The following GPR162 variants were observed in gnomAD, a reference collection of about 807,000 sequenced individuals.
GPR162 encodes the protein probable G protein-coupled receptor 162.
GPR162 carries 26 observed loss-of-function variants against 44.9 expected under a neutral mutation model. The observed-to-expected ratio is 0.58, with a 90% confidence interval of 0.42 to 0.80. The LOEUF (loss-of-function observed/expected upper bound fraction) is 0.80, where lower values mean the gene tolerates loss of function less well. Among genes scored for constraint, GPR162 ranks in the 30% least tolerant of loss-of-function variants. GPR162 has a pLI of 0.00. For missense variants in GPR162, 704 were observed against 802.3 expected (o/e 0.88, Z 1.48); for synonymous variants, 363 against 335.2 (o/e 1.08, Z -0.91).
In GPR162 at chr12:6,826,238, T is replaced by C. The variant is rs1555120032; in HGVS notation, c.1100T>C (p.Val367Ala). The change falls in exon 4 of 5, where the codon GTT (valine) becomes GCT (alanine). Residue 367 changes from valine (V) to alanine (A), a missense_variant. This residue lies in a region of GPR162 where 404 missense variants were observed against 314.1 expected (regional missense o/e 1.29). Coordinates refer to ENST00000311268, the MANE Select transcript of GPR162 (RefSeq NM_019858.2). The part of the protein sequence containing the change: ...DDYAEGRVCK[V>A]RFDANGATGP... Reference sequence around the variant, plus strand: ...TATGCAGAGGGCCGAGTTTGCAAAGTTCGCTTTGATGCTAACGGAGCCACA... The same window carrying C: ...TATGCAGAGGGCCGAGTTTGCAAAGCTCGCTTTGATGCTAACGGAGCCACA... 2.5e-6 allele frequency: 4 copies of C among 1,614,016 alleles called. No homozygotes were observed. The South Asian group carries it at 4.4e-5, about 18-fold the overall frequency.
At position 6,825,515 on chromosome 12, in the gene GPR162, C is replaced by CCCCAA; in HGVS notation, c.899_900insCCCAA (p.Ala301ProfsTer87). The CCCCAA allele has an allele frequency of 6.2e-7, 1 of 1,611,148 alleles. No individual in the cohort carries two copies. The highest frequency in any genetic ancestry group is 8.5e-7 in the Non-Finnish European group (1 of 1,179,094). On this transcript the variant is annotated frameshift_variant, in exon 3 of 5. Transcript: ENST00000311268. LOFTEE classifies it high-confidence loss of function. ...AGCTTCTTCTCCCTCAAGTCGGACT[C>CCCCAA]GGCGCCCCCCTGGATGGTGCTGGCT...
Position 6,824,429 on chromosome 12 carries a change from C to T in GPR162, c.531C>T (p.Leu177=), listed in dbSNP as rs782380177. The part of the protein sequence containing the change: ...GCQFIVSKIG[L]GFGVCFSLLL... ...AGTTCATAGTCTCCAAGATCGGCCT[C>T]GGCTTTGGCGTTTGCTTCAGCCTCT... Residue 177 remains leucine (L), a synonymous_variant, in exon 2 of 5, where the codon CTC becomes CTT. Coordinates refer to ENST00000311268, the MANE Select transcript of GPR162 (RefSeq NM_019858.2). The T allele has an allele frequency of 1.3e-5, 21 of 1,614,202 alleles. 1 individual carries two copies. The highest frequency in any genetic ancestry group is 5.5e-5 in the South Asian group (5 of 91,086).
At position 6,824,560 on chromosome 12, in the gene GPR162, G is replaced by C. The variant is rs782535794; in HGVS notation, c.662G>C (p.Gly221Ala). 139 of 1,605,134 alleles carry C rather than the reference G, an allele frequency of 8.7e-5. No homozygotes were observed. The highest frequency in any genetic ancestry group is 1.1e-4 in the Non-Finnish European group (126 of 1,174,960). Residue 221 changes from glycine to alanine, a missense_variant, in exon 2 of 5, where the codon GGT (glycine) becomes GCT (alanine). Physicochemically the swap from Gly to Ala is moderately conservative, Grantham distance 60. This residue lies in a region of GPR162 where 56 missense variants were observed against 47.2 expected (regional missense o/e 1.19). Transcript: ENST00000311268. ...GCTCGGCAGGCCCGGAGAGTGGGGG[G>C]TGGTGGGGGGACCAAAGCGGGTGGG... is the stretch of plus-strand genomic sequence containing the variant. ...RRARQARRVG[G>A]GGGTKAGGPG...
chr12:6,825,856 T>C (rs1429210389), intron 3 of GPR162, among the ~76,000 whole-genome samples, 183 bp downstream of exon 3: 1 of 152,126 alleles, frequency 6.6e-6, no homozygotes, highest in East Asian at 1.9e-4. Context: ...CCCGCAGCAC[T>C]CAGGGCTCCC....
intron 2 of GPR162, chr12:6,825,185 A>G (rs1388810560): frequency 3.7e-6 from 2 of 541,336 alleles, no homozygotes; most frequent in Non-Finnish European, 6.7e-6. Flanking sequence ...CACAGGGCTC[A>G]CCCCACCACC....
At chr12:6,826,396 A>G (rs782235433) in intron 4 of GPR162, 43 bp downstream of exon 4, 20 of 1,555,842 alleles carry the variant, frequency 1.3e-5, no homozygotes, top group Admixed American at 1.8e-5. Context: ...GGTGCCGCTC[A>G]TCACTTTTCT....
intron 3 of GPR162, 84 bp from the exon 4 acceptor site, chr12:6,826,112 T>C: frequency 9.7e-7 from 1 of 1,025,656 alleles, no homozygotes; most frequent in Non-Finnish European, 1.5e-6. Flanking sequence ...ACTAAAGGGG[T>C]CTCTGGGAGC....
chr12:6,826,927 G>A lies in GPR162; in HGVS notation c.1490G>A (p.Gly497Asp), dbSNP rs782583140. The A allele has an allele frequency of 6.2e-7, 1 of 1,613,440 alleles. No homozygotes were observed. The highest frequency in any genetic ancestry group is 1.7e-5 in the Admixed American group (1 of 60,030). Residue 497 changes from glycine to aspartate, a missense_variant, in exon 5 of 5, where the codon GGT (glycine) becomes GAT (aspartate). This residue lies in a region of GPR162 where 404 missense variants were observed against 314.1 expected (regional missense o/e 1.29). Coordinates refer to ENST00000311268, the MANE Select transcript of GPR162 (RefSeq NM_019858.2). Reference protein sequence around the residue: ...VLGSGGGPPRGPGFFREEITT... With the variant: ...VLGSGGGPPRDPGFFREEITT... ...GGGTCAGGTGGGGGACCCCCACGGGGTCCTGGCTTCTTCCGGGAGGAGATC... is the reference window on the plus strand; with the variant it reads ...GGGTCAGGTGGGGGACCCCCACGGGATCCTGGCTTCTTCCGGGAGGAGATC...
chr12:6,825,165 C>T (rs1943338051), intron 2 of GPR162: 2 of 534,210 alleles, frequency 3.7e-6, no homozygotes, highest in South Asian at 2.0e-5. Context: ...GCACTCTTGG[C>T]TGGAAATCCC....
Position 6,824,665 on chromosome 12 carries a change from C to T in GPR162, c.767C>T (p.Ser256Leu), listed in dbSNP as rs1276081042. ...VEDARGKRRS[S>L]LDGSESAKTS... ...GATGCCCGAGGGAAGCGGCGGTCCT[C>T]GCTGGATGGCTCGGAGTCTGCCAAG... The change falls in exon 2 of 5, where the codon TCG becomes TTG. Residue 256 changes from serine to leucine, a missense_variant. Ser to Leu is a moderately radical substitution (Grantham distance 145, BLOSUM62 -2). This residue lies in a region of GPR162 where 92 missense variants were observed against 156.5 expected (regional missense o/e 0.59). Coordinates refer to ENST00000311268, the MANE Select transcript of GPR162 (RefSeq NM_019858.2). The T allele has an allele frequency of 2.5e-6, 4 of 1,613,894 alleles. No homozygotes were observed. The highest frequency in any genetic ancestry group is 3.4e-6 in the Non-Finnish European group (4 of 1,179,968).
Position 6,827,046 on chromosome 12 carries a change from C to T in GPR162, c.1609C>T (p.Arg537Ter), listed in dbSNP as rs200593513. ...RPRPLGLSPR[R>*]LSLGSPESRA... ...CCGGCCACTGGGCCTCTCACCCCGC[C>T]GACTCTCCCTTGGGTCCCCTGAGAG... The change falls in exon 5 of 5, where the codon CGA becomes TGA. Residue 537 changes from arginine to a stop codon, truncating the protein, a stop_gained. Transcript: ENST00000311268. LOFTEE classifies it high-confidence loss of function. 1.7e-4 allele frequency: 275 copies of T among 1,613,394 alleles called. No individual in the cohort carries two copies. The highest frequency in any genetic ancestry group is 2.2e-4 in the Non-Finnish European group (255 of 1,180,020).
chr12:6,823,770 C>A lies in GPR162; in HGVS notation c.-129C>A, dbSNP rs782698097. 1.9e-6 allele frequency: 3 copies of A among 1,613,188 alleles called. No homozygotes were observed. The highest frequency in any genetic ancestry group is 2.2e-5 in the East Asian group (1 of 44,872). On this transcript the variant is annotated 5_prime_UTR_variant, in exon 2 of 5. In the 5' UTR this introduces an upstream ATG that the reference lacks. Transcript: ENST00000311268. ...TGCAATGCTGAGCACTGGGGTGAGC[C>A]TGGGGGCAGCCTGCCTGCTGACAGG...
Position 6,826,738 on chromosome 12 carries a change from C to T in GPR162, c.1301C>T (p.Ser434Leu). Reference sequence around the variant, plus strand: ...CCAGGCTCCTTCCTGCACAAGTGGTCATCCTCTGATGACATCCGGGTCCTC... The same window carrying T: ...CCAGGCTCCTTCCTGCACAAGTGGTTATCCTCTGATGACATCCGGGTCCTC... ...REPGSFLHKW[S>L]SSDDIRVLPA... The change falls in exon 5 of 5, where the codon TCA becomes TTA. Residue 434 changes from serine (S) to leucine (L), a missense_variant. Physicochemically the swap from Ser to Leu is moderately radical, Grantham distance 145. Transcript: ENST00000311268. 6.3e-7 allele frequency: 1 copy of T among 1,590,198 alleles called. No homozygotes were observed. The highest frequency in any genetic ancestry group is 8.6e-7 in the Non-Finnish European group (1 of 1,169,468).
chr12:6,826,333 G>T lies in GPR162; in HGVS notation c.1195G>T (p.Glu399Ter). The T allele has an allele frequency of 6.2e-7, 1 of 1,613,348 alleles. No homozygotes were observed. ...PGRHMLFPPL[E>*]RVHYLQVPLS... ...AAGGCACATGCTCTTCCCTCCTCTTGAGAGAGTCCACTACTTACAGGTATG... is the reference window on the plus strand; with the variant it reads ...AAGGCACATGCTCTTCCCTCCTCTTTAGAGAGTCCACTACTTACAGGTATG... Residue 399 changes from glutamate to a stop codon, truncating the protein, a stop_gained, in exon 4 of 5, where the codon GAG (glutamate) becomes TAG (stop). Transcript: ENST00000311268. LOFTEE classifies it high-confidence loss of function.
chr12:6,826,518 G>A (rs1943358431), intron 4 of GPR162, 135 bp from the exon 5 acceptor site: 2 of 1,072,292 alleles, frequency 1.9e-6, no homozygotes, highest in African/African-American at 3.2e-5. Context: ...CAGACCTCGT[G>A]GGGCCAGGTT....
chr12:6,825,234 C>T (rs997788184), intron 2 of GPR162: 69 of 576,240 alleles, frequency 1.2e-4, no homozygotes, highest in Admixed American at 2.7e-4. Context: ...TCTGTCTCTA[C>T]GGTTCCTGGT....
chr12:6,825,682 AG>A lies in GPR162; in HGVS notation c.1057+13del. 6.4e-7 allele frequency: 1 copy of A among 1,557,208 alleles called. No individual in the cohort carries two copies. Among genetic ancestry groups the A allele is most frequent in the Non-Finnish European group, 8.7e-7 (1 of 1,149,230 alleles). On this transcript the variant is annotated intron_variant, in intron 3 of 4. Coordinates refer to ENST00000311268, the MANE Select transcript of GPR162 (RefSeq NM_019858.2). ...GGAGGATGGAGATGACGGTCAGAGG[AG>A]GGGCTGGGCTTTGGCTTTCCTGGAC... is the stretch of plus-strand genomic sequence containing the variant.
intron 1 of GPR162, among the ~76,000 whole-genome samples, 187 bp from the exon 2 acceptor site, chr12:6,823,281 C>T (rs11064422): frequency 0.54 from 81,718 of 152,004 alleles, 22,241 homozygotes; most frequent in East Asian, 0.76. Context: ...TGGAAGAGTG[C>T]GGCTCTCATC....
Position 6,826,657 on chromosome 12 carries a change from C to T in GPR162, c.1220C>T (p.Pro407Leu). Residue 407 changes from proline to leucine, a missense_variant, in exon 5 of 5, where the codon CCC (proline) becomes CTC (leucine). Physicochemically the swap from Pro to Leu is moderately conservative, Grantham distance 98. This residue lies in a region of GPR162 where 404 missense variants were observed against 314.1 expected (regional missense o/e 1.29). Transcript: ENST00000311268. ...PLERVHYLQV[P>L]LSRRLSHDET... The stretch of plus-strand genomic sequence containing the variant: ...CTTACCCGCTCCTCTTCCCAGGTCC[C>T]CCTATCCCGGCGTCTGTCCCATGAT... 6 of 1,520,026 alleles carry T rather than the reference C, an allele frequency of 3.9e-6. No individual in the cohort carries two copies. Among genetic ancestry groups the T allele is most frequent in the African/African-American group, 1.4e-5 (1 of 71,816 alleles). The allele number at this position is 1,520,026 out of a possible 1,614,324, so 94.2% of individuals were successfully genotyped here.
Sources: allele counts gnomAD v4.1 joint callset (sites outside exome capture counted in the v4.1 genomes callset), GRCh38; gene constraint gnomAD v4.1.1; regional missense constraint gnomAD v4.1.1; transcripts MANE v1.5; gene names NCBI Gene and HGNC (gene_info 2026-07-23, HGNC 2026-07-21).